Variants in CAMTA1 observed in about 807,000 individuals in gnomAD.
CAMTA1 encodes calmodulin binding transcription activator 1.
CAMTA1 carries 27 observed loss-of-function variants against 170.9 expected under a neutral mutation model. That is an observed-to-expected ratio of 0.16 (90% confidence interval 0.12 to 0.22). The LOEUF is 0.22. Ranked by LOEUF, CAMTA1 falls within the 10% of genes least tolerant of loss-of-function variation. The pLI is 1.00. For missense variants in CAMTA1, 1,619 were observed against 2,217.2 expected, an observed-to-expected ratio of 0.73 and a Z score of 5.42; for synonymous variants, 833 against 891.5, an observed-to-expected ratio of 0.93 and a Z score of 1.17.
At chr1:7,493,328 TAC>T (rs1254737879) in intron 6 of CAMTA1, among the ~76,000 whole-genome samples, 12 of 127,580 alleles carry the variant, frequency 9.4e-5, no homozygotes, top group African/African-American at 1.5e-4. Context: ...CAAACCTACG[TAC>T]ACACACATGC....
At chr1:7,373,884 T>A (rs1361286961) in intron 5 of CAMTA1, among the ~76,000 whole-genome samples, 1 of 152,198 alleles carries the variant, frequency 6.6e-6, no homozygotes, top group South Asian at 2.1e-4. Flanking sequence ...CTGAGAACAA[T>A]GATTTATTCC....
At chr1:7,055,751 C>T (rs1039962581) in intron 3 of CAMTA1, among the ~76,000 whole-genome samples, 1 of 152,202 alleles carries the variant, frequency 6.6e-6, no homozygotes, top group Non-Finnish European at 1.5e-5. Flanking sequence ...GGCCCCAGTC[C>T]GTTTGCTCAC....
intron 5 of CAMTA1, among the ~76,000 whole-genome samples, chr1:7,450,973 C>T (rs1284252389): frequency 4.6e-5 from 7 of 152,152 alleles, no homozygotes; most frequent in African/African-American, 1.7e-4. Context: ...CCGGGGAGGT[C>T]GGCGAAGGTG....
intron 5 of CAMTA1, among the ~76,000 whole-genome samples, chr1:7,339,008 A>G (rs2083594371): frequency 6.6e-6 from 1 of 152,180 alleles, no homozygotes; most frequent in African/African-American, 2.4e-5. Context: ...GGGAGGCGCT[A>G]CACACTTTTA....
chr1:6,807,675 G>A (rs565274216), intron 1 of CAMTA1, among the ~76,000 whole-genome samples: 5 of 150,290 alleles, frequency 3.3e-5, no homozygotes, highest in African/African-American at 9.8e-5. Flanking sequence ...AGCTGAGATC[G>A]TGCCACTGCA....
At chr1:7,501,626 T>TTTA (rs386366155) in intron 6 of CAMTA1, among the ~76,000 whole-genome samples, 2 of 151,802 alleles carry the variant, frequency 1.3e-5, no homozygotes, top group Non-Finnish European at 2.9e-5. Context: ...CAGTTTTTTT[T>TTTA]TTATTTTAGT....
chr1:7,227,346 G>A lies in CAMTA1; in HGVS notation c.303-22145G>A, dbSNP rs149580437. ...GTTTTATTGTTTTTCGTTTTTGTGA[G>A]ATGGAGTTTTTGCTCTTGTTGCCTA... On this transcript the variant is annotated intron_variant, in intron 4 of 22. Coordinates refer to ENST00000303635, the MANE Select transcript of CAMTA1 (RefSeq NM_015215.4). Among the ~76,000 whole-genome samples, 575 of 152,260 alleles carry A rather than the reference G, an allele frequency of 3.8e-3. 5 individuals are homozygous for A. The highest frequency in any genetic ancestry group is 0.014 in the African/African-American group (563 of 41,554).
chr1:7,010,277 C>T lies in CAMTA1; in HGVS notation c.235-81027C>T, dbSNP rs995194515. On this transcript the variant is annotated intron_variant, in intron 3 of 22. Transcript: ENST00000303635. The surrounding 1 kb of genome is among the most constrained non-coding windows in gnomAD (Gnocchi z 4.4). ...AGAACGAGGACCAGGACCCCAGGGC[C>T]GGCTCCTGGGCCGCCCCCTCACTCG... is the stretch of plus-strand genomic sequence containing the variant. Among the ~76,000 whole-genome samples the T allele has an allele frequency of 1.3e-5, 2 of 152,168 alleles. No homozygotes were observed. The highest frequency in any genetic ancestry group is 6.5e-5 in the Admixed American group (1 of 15,290).
At chr1:7,660,075 T>C (rs60122001) in intron 7 of CAMTA1, among the ~76,000 whole-genome samples, 38,798 of 152,090 alleles carry the variant, frequency 0.26, 5,038 homozygotes, top group Middle Eastern at 0.36. Context: ...ACAAATAATT[T>C]TGTTTTGTTT....
chr1:7,470,432 T>C (rs2093309541), intron 6 of CAMTA1, among the ~76,000 whole-genome samples: 1 of 152,194 alleles, frequency 6.6e-6, no homozygotes. Context: ...CTGGCTCAGA[T>C]GGAAATTGGC....
chr1:7,542,346 T>G (rs2094623016), intron 6 of CAMTA1, among the ~76,000 whole-genome samples: 1 of 152,162 alleles, frequency 6.6e-6, no homozygotes, highest in Non-Finnish European at 1.5e-5. Flanking sequence ...TAAGATGAGG[T>G]TTAGTGTTTT....
intron 4 of CAMTA1, among the ~76,000 whole-genome samples, chr1:7,237,511 A>G (rs1222565239): frequency 6.6e-6 from 1 of 152,168 alleles, no homozygotes; most frequent in Non-Finnish European, 1.5e-5. Context: ...TTTTGGATGC[A>G]TTGATTTCTA....
At chr1:7,043,962 C>G (rs547303398) in intron 3 of CAMTA1, among the ~76,000 whole-genome samples, 1 of 152,166 alleles carries the variant, frequency 6.6e-6, no homozygotes, top group South Asian at 2.1e-4. Flanking sequence ...GATGCAGGAG[C>G]TCACATTCCT....
chr1:7,380,679 T>G (rs973927003), intron 5 of CAMTA1, among the ~76,000 whole-genome samples: 2 of 152,246 alleles, frequency 1.3e-5, no homozygotes, highest in Non-Finnish European at 2.9e-5. Flanking sequence ...AGTAAGAATG[T>G]GGCATAAATA....
chr1:7,202,255 T>C (rs920553170), intron 4 of CAMTA1, among the ~76,000 whole-genome samples: 5 of 152,220 alleles, frequency 3.3e-5, no homozygotes, highest in Middle Eastern at 3.2e-3. Flanking sequence ...GTACGTCTCC[T>C]TTGTGCTAGT....
At chr1:7,589,813 TCA>T (rs2095341711) in intron 6 of CAMTA1, among the ~76,000 whole-genome samples, 2 of 152,184 alleles carry the variant, frequency 1.3e-5, no homozygotes, top group Admixed American at 6.5e-5. Context: ...CTTGTAAATT[TCA>T]CAGTTACCTC....
rs1574443588 is a variant in CAMTA1, at chr1:7,286,466, C to G, written c.438+36840C>G. Among the ~76,000 whole-genome samples, 1 of 152,312 alleles carries G rather than the reference C, an allele frequency of 6.6e-6. No homozygotes were observed. Among genetic ancestry groups the G allele is most frequent in the African/African-American group, 2.4e-5 (1 of 41,570 alleles). Reference sequence around the variant, plus strand: ...GTGGCCGTGGCATCCAATCTCTTCTCTTTGGGCTGGAATCATGAACGTTCA... The same window carrying G: ...GTGGCCGTGGCATCCAATCTCTTCTGTTTGGGCTGGAATCATGAACGTTCA... On this transcript the variant is annotated intron_variant, in intron 5 of 22. Transcript: ENST00000303635. The surrounding 1 kb of genome is among the most constrained non-coding windows in gnomAD (Gnocchi z 4.2).
At chr1:7,381,807 C>T (rs1305570198) in intron 5 of CAMTA1, among the ~76,000 whole-genome samples, 1 of 149,168 alleles carries the variant, frequency 6.7e-6, no homozygotes, top group Non-Finnish European at 1.5e-5. Context: ...CACATCCTCT[C>T]CAGCACCTGT....
intron 3 of CAMTA1, among the ~76,000 whole-genome samples, chr1:7,022,435 C>A (rs1165266436): frequency 1.3e-5 from 2 of 152,066 alleles, no homozygotes; most frequent in African/African-American, 4.8e-5. Flanking sequence ...AGTGAGGTTT[C>A]CTCTTGGATT....
Sources: gnomAD v4.1 joint callset for allele counts (sites outside exome capture counted in the v4.1 genomes callset) on GRCh38, gnomAD v4.1.1 for gene constraint, Gnocchi (gnomAD v3.1) non-coding constraint, MANE v1.5 for transcripts, NCBI Gene and HGNC (gene_info 2026-07-23, HGNC 2026-07-21) for gene names.